The following ANO3 variants were observed in gnomAD, a reference collection of about 807,000 sequenced individuals.
ANO3 encodes the protein anoctamin-3.
ANO3 carries 99 observed loss-of-function variants against 144.8 expected under a neutral mutation model. That is an observed-to-expected ratio of 0.68 (90% CI 0.58 to 0.81). ANO3 has a LOEUF of 0.81. ANO3 is among the 30% of genes least tolerant of loss of function. ANO3 has a pLI of 0.00. For synonymous variants in ANO3, 414 were observed against 392.6 expected (o/e 1.05, Z -0.64); for missense variants, 905 against 1,202.2 (o/e 0.75, Z 3.66).
chr11:26,471,328 T>A (rs139461050), intron 4 of ANO3, among the ~76,000 whole-genome samples: 131 of 152,062 alleles, frequency 8.6e-4, no homozygotes, highest in African/African-American at 3.1e-3. Flanking sequence ...ATTGTGTGGC[T>A]AATTTACAAC....
chr11:26,417,719 A>T (rs925056041), intron 1 of ANO3, among the ~76,000 whole-genome samples: 8 of 152,110 alleles, frequency 5.3e-5, no homozygotes, highest in African/African-American at 1.9e-4. Context: ...TGTTTAAAAT[A>T]TGATTTTTAA....
intron 1 of ANO3, among the ~76,000 whole-genome samples, chr11:26,392,425 T>C (rs1181559602): frequency 6.6e-6 from 1 of 152,130 alleles, no homozygotes; most frequent in Non-Finnish European, 1.5e-5. Flanking sequence ...CTCTGTGGTA[T>C]AAATTGTGGA....
chr11:26,277,330 C>T (rs974828068), intron 1 of ANO3, among the ~76,000 whole-genome samples: 2 of 151,742 alleles, frequency 1.3e-5, no homozygotes, highest in Non-Finnish European at 2.9e-5. Context: ...ATAGAATTGC[C>T]CACGCTACAT....
At position 26,231,526 on chromosome 11, in the gene ANO3, A is replaced by C. The variant is rs150542823; in HGVS notation, c.154+42196A>C. Among the ~76,000 whole-genome samples the C allele has an allele frequency of 3.4e-3, 522 of 152,330 alleles. 3 individuals carry two copies. The highest frequency in any genetic ancestry group is 0.012 in the African/African-American group (496 of 41,588). On this transcript the variant is annotated intron_variant, in intron 1 of 27. Transcript: ENST00000672621. ...ATAGCAGTGAATCAGTCATTCATCA[A>C]TTAGCAGTATTAATGCTCAAACTTA...
chr11:26,614,237 A>C (rs1852184402), intron 17 of ANO3, among the ~76,000 whole-genome samples: 1 of 152,222 alleles, frequency 6.6e-6, no homozygotes, highest in South Asian at 2.1e-4. Context: ...CAGGGTTGGC[A>C]GACTGTGCAG....
intron 14 of ANO3, among the ~76,000 whole-genome samples, chr11:26,575,317 C>A (rs1055286830): frequency 1.3e-5 from 2 of 151,456 alleles, no homozygotes; most frequent in African/African-American, 4.8e-5. Flanking sequence ...AAGGTAAGAG[C>A]CTAATGGTCA....
chr11:26,318,018 A>G (rs1162234295), intron 1 of ANO3, among the ~76,000 whole-genome samples: 3 of 152,048 alleles, frequency 2.0e-5, no homozygotes, highest in African/African-American at 7.2e-5. Context: ...ACAGAAAACC[A>G]AACACCACAT....
chr11:26,590,134 T>G (rs560197033), intron 14 of ANO3, among the ~76,000 whole-genome samples: 1 of 152,174 alleles, frequency 6.6e-6, no homozygotes, highest in Admixed American at 6.5e-5. Flanking sequence ...AACCTCTCCC[T>G]GATGAAACAA....
At chr11:26,498,482 A>G (rs1861056907) in intron 4 of ANO3, among the ~76,000 whole-genome samples, 1 of 150,980 alleles carries the variant, frequency 6.6e-6, no homozygotes, top group African/African-American at 2.4e-5. Context: ...GGTCTTTTAA[A>G]TTGTTATTAT....
chr11:26,377,881 G>A (rs1002565175), intron 1 of ANO3, among the ~76,000 whole-genome samples: 1 of 152,060 alleles, frequency 6.6e-6, no homozygotes, highest in Non-Finnish European at 1.5e-5. Flanking sequence ...CCAAATTATA[G>A]AGAAGAAATC....
rs10631901 is a variant in ANO3 at position 26,634,080 on chromosome 11, C to CAAA, written c.1874-108_1874-106dup. On this transcript the variant is annotated intron_variant, in intron 18 of 26. Transcript: ENST00000256737. ...GCAACAGAGAGTGAGACTCCATTTCCAAAAAAAAAAAAAAAAAATTAAATT... is the reference window on the plus strand; with the variant it reads ...GCAACAGAGAGTGAGACTCCATTTCCAAAAAAAAAAAAAAAAAAAAATTAAATT... The CAAA allele has an allele frequency of 0.07, 24,567 of 352,642 alleles. 779 individuals are homozygous for CAAA. Among genetic ancestry groups the CAAA allele is most frequent in the African/African-American group, 0.2 (6,947 of 34,728 alleles). The allele number at this position is 352,642 out of a possible 1,614,324, so 21.8% of individuals were successfully genotyped here.
At chr11:26,292,752 A>G (rs1007651740) in intron 1 of ANO3, among the ~76,000 whole-genome samples, 2 of 152,164 alleles carry the variant, frequency 1.3e-5, no homozygotes, top group African/African-American at 4.8e-5. Flanking sequence ...AGAACAGCAA[A>G]TATTGCACAA....
rs571082765 is a variant in ANO3, at chr11:26,275,873, A to G, written c.155-33772A>G. On this transcript the variant is annotated intron_variant, in intron 1 of 27. Coordinates refer to the ANO3 transcript ENST00000672621. The stretch of plus-strand genomic sequence containing the variant: ...ACTTTAATTAAATAATCTTGCTTTT[A>G]ATTCTCGTTTGGTTGCTTTCTAAAT... Among the ~76,000 whole-genome samples, 6 of 152,212 alleles carry G rather than the reference A, an allele frequency of 3.9e-5. No individual in the cohort carries two copies. The South Asian group carries it at 1.2e-3, about 32-fold the overall frequency.
At chr11:26,225,925 T>C (rs1376442763) in intron 1 of ANO3, among the ~76,000 whole-genome samples, 1 of 152,138 alleles carries the variant, frequency 6.6e-6, no homozygotes, top group African/African-American at 2.4e-5. Context: ...TACTTATACA[T>C]TAGTACTCAT....
intron 14 of ANO3, among the ~76,000 whole-genome samples, chr11:26,577,182 A>G (rs1851008579): frequency 1.3e-5 from 2 of 152,212 alleles, no homozygotes; most frequent in African/African-American, 4.8e-5. Context: ...ACAAGGATAG[A>G]TAAGTGGGTA....
intron 1 of ANO3, among the ~76,000 whole-genome samples, chr11:26,245,532 A>G (rs1564932021): frequency 6.6e-6 from 1 of 152,128 alleles, no homozygotes; most frequent in Non-Finnish European, 1.5e-5. Flanking sequence ...TTTTGTTATT[A>G]TCATGAAGAA....
intron 4 of ANO3, among the ~76,000 whole-genome samples, chr11:26,467,033 ACT>A (rs1321598942): frequency 6.6e-6 from 1 of 151,850 alleles, no homozygotes; most frequent in Admixed American, 6.6e-5. Context: ...TTTTTTAAAA[ACT>A]CTATTTACAA....
chr11:26,641,769 G>A (rs905051466), intron 21 of ANO3, 127 bp from the exon 22 acceptor site: 4 of 1,054,602 alleles, frequency 3.8e-6, no homozygotes, highest in Non-Finnish European at 5.1e-6. Context: ...TTTTATAAAA[G>A]GTAAAACCAA....
At chr11:26,539,490 C>T (rs1565090537) in intron 10 of ANO3, among the ~76,000 whole-genome samples, 1 of 152,124 alleles carries the variant, frequency 6.6e-6, no homozygotes, top group Non-Finnish European at 1.5e-5. Context: ...GCCTTTTAAT[C>T]TTTGGGCTTT....
Sources: allele counts gnomAD v4.1 joint callset (sites outside exome capture counted in the v4.1 genomes callset), GRCh38; gene constraint gnomAD v4.1.1; transcripts MANE v1.5; gene names NCBI Gene and HGNC (gene_info 2026-07-23, HGNC 2026-07-21).